JPH2: variants seen among roughly 807,000 people sequenced by gnomAD.
JPH2 encodes the protein junctophilin 2.
In JPH2, 38 loss-of-function variants were observed where a neutral mutation model predicts 55.9. That is an observed-to-expected ratio of 0.68 (90% CI 0.52 to 0.89). JPH2 has a LOEUF of 0.89. JPH2 is among the 40% of genes least tolerant of loss of function. The probability of loss-of-function intolerance (pLI) is 0.00; values close to 1 mark genes in which losing one functional copy is unlikely to be tolerated. For synonymous variants in JPH2, 480 were observed against 472.4 expected, an observed-to-expected ratio of 1.02 and a Z score of -0.21; for missense variants, 964 against 1,037.6, an observed-to-expected ratio of 0.93 and a Z score of 0.97.
chr20:44,134,745 AT>A (rs2072390388), intron 2 of JPH2, among the ~76,000 whole-genome samples: 1 of 54,978 alleles, frequency 1.8e-5, no homozygotes, highest in African/African-American at 7.1e-5. Flanking sequence ...ATATATAAAG[AT>A]ATATTTATTA....
chr20:44,139,410 CCCAAACAT>C (rs2072439559), intron 2 of JPH2, among the ~76,000 whole-genome samples: 1 of 152,120 alleles, frequency 6.6e-6, no homozygotes, highest in South Asian at 2.1e-4. Context: ...CTGGAAACTA[CCCAAACAT>C]CCATGTACAA....
chr20:44,159,604 C>A lies in JPH2; in HGVS notation c.1169+14G>T. 6.3e-7 allele frequency: 1 copy of A among 1,595,960 alleles called. No homozygotes were observed. Among genetic ancestry groups the A allele is most frequent in the East Asian group, 2.2e-5 (1 of 44,462 alleles). ...AGGGGAGGCGACCCCTTCCCACCCC[C>A]ACCGCTGTCCTACCTGGAGGCGGCA... On this transcript the variant is annotated intron_variant, in intron 2 of 5. Transcript: ENST00000372980. The surrounding 1 kb of genome is among the most constrained non-coding windows in gnomAD (Gnocchi z 5.7).
At chr20:44,143,956 C>A (rs1321066206) in intron 2 of JPH2, among the ~76,000 whole-genome samples, 1 of 152,170 alleles carries the variant, frequency 6.6e-6, no homozygotes, top group African/African-American at 2.4e-5. Flanking sequence ...GGGTGCTTGA[C>A]TCCCCAAAGA....
intron 3 of JPH2, among the ~76,000 whole-genome samples, chr20:44,118,233 C>T (rs2072207879): frequency 6.6e-6 from 1 of 152,142 alleles, no homozygotes. Context: ...CTCTAAGCTT[C>T]ACCAGCTCCA....
intron 2 of JPH2, among the ~76,000 whole-genome samples, chr20:44,125,311 C>T (rs1332104948): frequency 6.7e-6 from 1 of 148,890 alleles, no homozygotes; most frequent in African/African-American, 2.5e-5. Context: ...GTCTGCCGAC[C>T]CCTGTACTAA....
At chr20:44,170,458 G>GTGTT (rs1279100783) in intron 1 of JPH2, among the ~76,000 whole-genome samples, 35 of 152,250 alleles carry the variant, frequency 2.3e-4, no homozygotes, top group African/African-American at 8.2e-4. Context: ...ATTTCAGACA[G>GTGTT]TGTTTAAGAT....
chr20:44,167,079 T>C (rs953140963), intron 1 of JPH2, among the ~76,000 whole-genome samples: 1 of 152,366 alleles, frequency 6.6e-6, no homozygotes, highest in East Asian at 1.9e-4. Flanking sequence ...CAACTTCTAT[T>C]GACAGTTCTA....
At chr20:44,138,447 T>C (rs1569198011) in intron 2 of JPH2, among the ~76,000 whole-genome samples, 1 of 152,188 alleles carries the variant, frequency 6.6e-6, no homozygotes. Flanking sequence ...AGTGTGATCA[T>C]GGCTCCCTGA....
At chr20:44,142,387 G>A (rs1353004340) in intron 2 of JPH2, among the ~76,000 whole-genome samples, 5 of 152,158 alleles carry the variant, frequency 3.3e-5, no homozygotes, top group Admixed American at 2.0e-4. Flanking sequence ...CATCCCCGCC[G>A]CCTCCCCACG....
chr20:44,110,832 A>G lies in JPH2; in HGVS notation c.*2686T>C, dbSNP rs1223236579. ...CAGGGATTAGAGTCTCCTCAGCAGA[A>G]GAGGAAACTGAGGCACAGAAAGAGG... On this transcript the variant is annotated 3_prime_UTR_variant, in exon 6 of 6. Transcript: ENST00000372980. Among the ~76,000 whole-genome samples the G allele has an allele frequency of 6.6e-6, 1 of 152,180 alleles. No homozygotes were observed. The highest frequency in any genetic ancestry group is 2.4e-5 in the African/African-American group (1 of 41,440).
intron 1 of JPH2, among the ~76,000 whole-genome samples, chr20:44,165,476 T>C (rs1446229560): frequency 6.6e-6 from 1 of 152,060 alleles, no homozygotes; most frequent in Non-Finnish European, 1.5e-5. Context: ...GCCATACTGG[T>C]CTCCTGATTC....
chr20:44,175,698 C>T (rs879742775), intron 1 of JPH2, among the ~76,000 whole-genome samples: 6 of 152,196 alleles, frequency 3.9e-5, no homozygotes, highest in East Asian at 3.9e-4. Context: ...GATGATGCCC[C>T]GTGGCTCACC....
At position 44,187,041 on chromosome 20, in the gene JPH2, T is replaced by C. The variant is rs1245660998; in HGVS notation, c.-336A>G. On this transcript the variant is annotated 5_prime_UTR_variant, in exon 1 of 6. Coordinates refer to ENST00000372980, the MANE Select transcript of JPH2 (RefSeq NM_020433.5). ...GTCCAAGGGAAAACGGTGTGATCTC[T>C]TTAAGAAGCCCAGTGAAAGGGTGGG... The C allele has an allele frequency of 2.9e-6, 1 of 347,310 alleles. No homozygotes were observed. The highest frequency in any genetic ancestry group is 4.4e-5 in the Admixed American group (1 of 22,534). 21.5% of individuals were successfully genotyped at this position (347,310 alleles called of 1,614,324 possible).
Position 44,131,767 on chromosome 20 carries a change from T to C in JPH2, c.1170-13144A>G, listed in dbSNP as rs1047104268. Among the ~76,000 whole-genome samples the C allele has an allele frequency of 3.3e-5, 5 of 152,224 alleles. No homozygotes were observed. In the South Asian group the frequency reaches 1.0e-3, roughly 32 times the overall value. ...CATCTACATATTTTTGTGCTAGTGA[T>C]TCCCCTTCTGGGAGTGTGATCAACA... On this transcript the variant is annotated intron_variant, in intron 2 of 5. Transcript: ENST00000372980.
At chr20:44,177,384 AG>A in intron 1 of JPH2, 1 of 987,774 alleles carries the variant, frequency 1.0e-6, no homozygotes, top group Non-Finnish European at 1.2e-6. Flanking sequence ...CCCGGAAACA[AG>A]CAAGCTCGAT....
chr20:44,107,430 A>T lies in JPH2; in HGVS notation c.*6088T>A, dbSNP rs1244369297. Among the ~76,000 whole-genome samples the T allele has an allele frequency of 6.6e-6, 1 of 152,130 alleles. No homozygotes were observed. Among genetic ancestry groups the T allele is most frequent in the Non-Finnish European group, 1.5e-5 (1 of 68,018 alleles). ...CCCTTGAAGCTAGTTGAGGCCAAAC[A>T]ACTGAGCTCTGGCTAGTGGAATATG... On this transcript the variant is annotated 3_prime_UTR_variant, in exon 6 of 6. Coordinates refer to ENST00000372980, the MANE Select transcript of JPH2 (RefSeq NM_020433.5).
intron 2 of JPH2, among the ~76,000 whole-genome samples, chr20:44,118,894 G>A (rs1217626819): frequency 6.6e-6 from 1 of 152,232 alleles, no homozygotes; most frequent in Non-Finnish European, 1.5e-5. Flanking sequence ...ATTATGGGAA[G>A]ACATCATGTA....
intron 2 of JPH2, among the ~76,000 whole-genome samples, chr20:44,121,356 G>T (rs2072234702): frequency 1.3e-5 from 2 of 152,184 alleles, no homozygotes; most frequent in Admixed American, 6.5e-5. Context: ...TGATGTGTGT[G>T]TGTCTTTATC....
chr20:44,128,102 T>A (rs1410710681), intron 2 of JPH2, among the ~76,000 whole-genome samples: 2 of 152,248 alleles, frequency 1.3e-5, no homozygotes, highest in Non-Finnish European at 2.9e-5. Context: ...GTACAAAAGT[T>A]ATTTTATTTT....
Sources: allele counts gnomAD v4.1 joint callset (sites outside exome capture counted in the v4.1 genomes callset), GRCh38; gene constraint gnomAD v4.1.1; non-coding constraint Gnocchi (gnomAD v3.1); transcripts MANE v1.5; gene names NCBI Gene and HGNC (gene_info 2026-07-23, HGNC 2026-07-21).